The following ZWILCH variants were observed in gnomAD, a reference collection of about 807,000 sequenced individuals.
ZWILCH encodes the protein protein zwilch homolog.
In ZWILCH, 74 loss-of-function variants were observed where a neutral mutation model predicts 79.9. That is an observed-to-expected ratio of 0.93 (90% CI 0.77 to 1.12). The LOEUF (loss-of-function observed/expected upper bound fraction) is 1.12. Ranked by LOEUF, ZWILCH falls within the 50% of genes most tolerant of loss-of-function variation. The probability of loss-of-function intolerance (pLI) is 0.00; values close to 1 mark genes in which losing one functional copy is unlikely to be tolerated. For missense variants in ZWILCH, 694 were observed against 687.5 expected (o/e 1.01, Z -0.11); for synonymous variants, 241 against 228.2 (o/e 1.06, Z -0.51).
intron 15 of ZWILCH, among the ~76,000 whole-genome samples, chr15:66,536,567 T>C (rs1466251533): frequency 6.6e-6 from 1 of 152,196 alleles, no homozygotes; most frequent in African/African-American, 2.4e-5. Flanking sequence ...TGCTGGTATC[T>C]TATGTGTATT....
chr15:66,544,900 C>A (rs189245200), intron 17 of ZWILCH, among the ~76,000 whole-genome samples: 1 of 151,362 alleles, frequency 6.6e-6, no homozygotes, highest in Non-Finnish European at 1.5e-5. Flanking sequence ...CGTGCCACCA[C>A]GCCTGGCTAA....
At position 66,548,485 on chromosome 15, in the gene ZWILCH, C is replaced by T. The variant is rs1396766089; in HGVS notation, c.*161C>T. On this transcript the variant is annotated 3_prime_UTR_variant, in exon 19 of 19. Transcript: ENST00000307897. The stretch of plus-strand genomic sequence containing the variant: ...TTATGAAGCTCCAAAATTGATAATC[C>T]TGTCTCAGCTCTGCCTCCTCAGGAG... 2 of 1,535,960 alleles carry T rather than the reference C, an allele frequency of 1.3e-6. No homozygotes were observed. The highest frequency in any genetic ancestry group is 1.1e-5 in the South Asian group (1 of 87,650).
chr15:66,539,219 A>C (rs1197102555), intron 16 of ZWILCH, among the ~76,000 whole-genome samples: 1 of 152,066 alleles, frequency 6.6e-6, no homozygotes, highest in East Asian at 1.9e-4. Flanking sequence ...CCTGGGCAAC[A>C]CGGTGAAACC....
At position 66,527,930 on chromosome 15, in the gene ZWILCH, G is replaced by A. The variant is rs1439155564; in HGVS notation, c.969+18G>A. ...AGGTTGAGGTAAGTGATTATTATCAGTTAGAAATATACACAGAAATAGCTT... is the reference window on the plus strand; with the variant it reads ...AGGTTGAGGTAAGTGATTATTATCAATTAGAAATATACACAGAAATAGCTT... On this transcript the variant is annotated intron_variant, in intron 10 of 18. Transcript: ENST00000307897. The A allele has an allele frequency of 1.3e-6, 2 of 1,579,350 alleles. No homozygotes were observed. Among genetic ancestry groups the A allele is most frequent in the Non-Finnish European group, 1.7e-6 (2 of 1,162,554 alleles).
At chr15:66,508,692 C>G (rs906766610) in intron 1 of ZWILCH, 149 bp from the exon 2 acceptor site, 7 of 1,384,174 alleles carry the variant, frequency 5.1e-6, no homozygotes, top group Non-Finnish European at 5.6e-6. Flanking sequence ...TTTTCTCTCT[C>G]TGCAACTACA....
Position 66,508,673 on chromosome 15 carries a change from T to C in ZWILCH, c.54-168T>C, listed in dbSNP as rs149381651. The C allele has an allele frequency of 2.7e-4, 360 of 1,336,058 alleles. 1 individual carries two copies. The East Asian group carries it at 8.4e-3, about 31-fold the overall frequency. 82.8% of individuals were successfully genotyped at this position (1,336,058 alleles called of 1,614,324 possible). A position where few individuals can be genotyped will look rare whatever the true frequency, so the allele number is the denominator to read the frequency against. ...TTTTCTTCTTAACCTAATGCTTCTTTTCTGCTTTTTTTCTCTCTCTGCAAC... is the reference window on the plus strand; with the variant it reads ...TTTTCTTCTTAACCTAATGCTTCTTCTCTGCTTTTTTTCTCTCTCTGCAAC... On this transcript the variant is annotated intron_variant, in intron 1 of 18. Coordinates refer to ENST00000307897, the MANE Select transcript of ZWILCH (RefSeq NM_017975.5).
chr15:66,505,501 A>T (rs567346664), intron 1 of ZWILCH, 110 bp downstream of exon 1: 2 of 1,380,824 alleles, frequency 1.4e-6, no homozygotes, highest in South Asian at 2.4e-5. Flanking sequence ...GCGCTTTGCC[A>T]GCTTTCCTGG....
chr15:66,544,618 G>T (rs1362682282), intron 17 of ZWILCH, among the ~76,000 whole-genome samples: 1 of 152,000 alleles, frequency 6.6e-6, no homozygotes, highest in Non-Finnish European at 1.5e-5. Flanking sequence ...AGGATTACAG[G>T]TGCGAACTAC....
At chr15:66,506,657 AAAAT>A (rs1296982883) in intron 1 of ZWILCH, among the ~76,000 whole-genome samples, 3 of 152,034 alleles carry the variant, frequency 2.0e-5, no homozygotes, top group Non-Finnish European at 2.9e-5. Flanking sequence ...CTCTGTCTCT[AAAAT>A]AAATAAATAA....
At chr15:66,531,835 G>A (rs772533192) in intron 12 of ZWILCH, among the ~76,000 whole-genome samples, 1 of 152,082 alleles carries the variant, frequency 6.6e-6, no homozygotes, top group Non-Finnish European at 1.5e-5. Flanking sequence ...TTGGGAGTCC[G>A]ACGCGGGCGG....
chr15:66,546,557 A>G, intron 17 of ZWILCH, 34 bp from the exon 18 acceptor site: 3 of 1,492,934 alleles, frequency 2.0e-6, no homozygotes, highest in Non-Finnish European at 2.8e-6. Flanking sequence ...CAGGGTGTTA[A>G]GCAATTCTGA....
At chr15:66,511,770 C>T (rs551429834) in intron 2 of ZWILCH, among the ~76,000 whole-genome samples, 1 of 152,140 alleles carries the variant, frequency 6.6e-6, no homozygotes, top group South Asian at 2.1e-4. Flanking sequence ...CACCCACCAC[C>T]ACGCCCTGTT....
chr15:66,548,688 G>A lies in ZWILCH; in HGVS notation c.*364G>A. ...CAGCTTTATCCCAAAAGCTTTAACT[G>A]TATTGGGAAAACTTAAAAAATAGCA... On this transcript the variant is annotated 3_prime_UTR_variant, in exon 19 of 19. Coordinates refer to ENST00000307897, the MANE Select transcript of ZWILCH (RefSeq NM_017975.5). 1.6e-6 allele frequency: 1 copy of A among 609,334 alleles called. No individual in the cohort carries two copies. Among genetic ancestry groups the A allele is most frequent in the Non-Finnish European group, 2.9e-6 (1 of 348,630 alleles). 37.7% of individuals were successfully genotyped at this position (609,334 alleles called of 1,614,324 possible).
At chr15:66,528,616 C>A (rs1894757144) in intron 10 of ZWILCH, among the ~76,000 whole-genome samples, 1 of 151,228 alleles carries the variant, frequency 6.6e-6, no homozygotes. Context: ...TTTTTTTTTA[C>A]ATGGAGGGAA....
intron 3 of ZWILCH, among the ~76,000 whole-genome samples, chr15:66,515,004 C>T (rs1894201745): frequency 6.6e-6 from 1 of 152,074 alleles, no homozygotes; most frequent in African/African-American, 2.4e-5. Context: ...TGTGGTGGTA[C>T]TGTCATGGCT....
intron 4 of ZWILCH, among the ~76,000 whole-genome samples, chr15:66,517,408 T>TTGTGTGCGTG (rs1458908093): frequency 4.5e-5 from 2 of 44,146 alleles, no homozygotes; most frequent in Non-Finnish European, 8.7e-5. Flanking sequence ...GATTTTGTGT[T>TTGTGTGCGTG]TGTGTGTGCG....
intron 8 of ZWILCH, among the ~76,000 whole-genome samples, chr15:66,525,818 G>C (rs1426867967): frequency 7.3e-6 from 1 of 136,590 alleles, no homozygotes; most frequent in Non-Finnish European, 1.5e-5. Context: ...CTGGAGTGCA[G>C]TGGTGTAGTC....
chr15:66,528,698 G>A (rs1894759531), intron 10 of ZWILCH, among the ~76,000 whole-genome samples, 154 bp from the exon 11 acceptor site: 1 of 151,814 alleles, frequency 6.6e-6, no homozygotes, highest in Admixed American at 6.6e-5. Flanking sequence ...CTGTTGATTT[G>A]TATCTCCTCA....
At chr15:66,528,757 A>G (rs1050300145) in intron 10 of ZWILCH, 95 bp from the exon 11 acceptor site, 4 of 989,958 alleles carry the variant, frequency 4.0e-6, no homozygotes, top group Non-Finnish European at 6.2e-6. Context: ...GTGTGTGTTC[A>G]TGAATCCATA....
Sources: gnomAD v4.1 joint callset for allele counts (sites outside exome capture counted in the v4.1 genomes callset) on GRCh38, gnomAD v4.1.1 for gene constraint, MANE v1.5 for transcripts, NCBI Gene and HGNC (gene_info 2026-07-23, HGNC 2026-07-21) for gene names.